SUSD4: variants seen among roughly 807,000 people sequenced by gnomAD.
The protein encoded by SUSD4 is sushi domain containing 4.
A neutral mutation model predicts 50.5 loss-of-function variants in SUSD4; 41 were observed. The ratio of observed to expected loss-of-function variants is 0.81; its 90% confidence interval spans 0.63 to 1.05. The LOEUF is 1.05. SUSD4 is among the 50% of genes least tolerant of loss of function. SUSD4 has a pLI of 0.00. For synonymous variants in SUSD4, 257 were observed against 257.3 expected (o/e 1.00, Z 0.01); for missense variants, 580 against 634.7 (o/e 0.91, Z 0.93).
At chr1:223,292,042 C>T (rs1002673076) in intron 3 of SUSD4, among the ~76,000 whole-genome samples, 1 of 152,116 alleles carries the variant, frequency 6.6e-6, no homozygotes, top group African/African-American at 2.4e-5. Context: ...TGATTTAATC[C>T]TCTGAGTAAT....
At chr1:223,226,839 CTCT>C (rs993634490) in intron 7 of SUSD4, among the ~76,000 whole-genome samples, 3 of 152,218 alleles carry the variant, frequency 2.0e-5, no homozygotes, top group Non-Finnish European at 2.9e-5. Context: ...CTGTCCTCAC[CTCT>C]TCTTCTCAAT....
Position 223,292,442 on chromosome 1 carries a change from C to T in SUSD4, c.358G>A (p.Glu120Lys), listed in dbSNP as rs769624784. Residue 120 changes from glutamate (E) to lysine (K), a missense_variant, in exon 3 of 9, where the codon GAA becomes AAA. Coordinates refer to ENST00000366878, the MANE Select transcript of SUSD4 (RefSeq NM_017982.4). ...IPSDNSICVQ[E>K]DCRIPQIEDA... ...CGTGGAGAAGTAAGCACTTTACCTT[C>T]TTGCACACAGATGGAATTATCACTT... The T allele has an allele frequency of 3.1e-6, 5 of 1,614,168 alleles. No homozygotes were observed. The South Asian group carries it at 4.4e-5, about 14-fold the overall frequency.
At chr1:223,320,200 G>C (rs1328289827) in intron 2 of SUSD4, among the ~76,000 whole-genome samples, 2 of 152,160 alleles carry the variant, frequency 1.3e-5, no homozygotes, top group Non-Finnish European at 2.9e-5. Flanking sequence ...GGTGAATGTA[G>C]AAAAAGCAAC....
chr1:223,260,461 C>T (rs570931296), intron 5 of SUSD4, among the ~76,000 whole-genome samples: 27 of 152,208 alleles, frequency 1.8e-4, no homozygotes, highest in African/African-American at 5.3e-4. Flanking sequence ...TGTGTGTGCA[C>T]GCACATGAAA....
chr1:223,270,800 C>G (rs1275620444), intron 3 of SUSD4, among the ~76,000 whole-genome samples: 1 of 152,106 alleles, frequency 6.6e-6, no homozygotes, highest in Non-Finnish European at 1.5e-5. Flanking sequence ...AACTCCTGAC[C>G]TCATGATCCC....
intron 2 of SUSD4, among the ~76,000 whole-genome samples, chr1:223,308,984 G>A (rs1484022218): frequency 6.6e-6 from 1 of 152,148 alleles, no homozygotes; most frequent in Non-Finnish European, 1.5e-5. Flanking sequence ...TAAGGATGAC[G>A]ATATGAACTC....
intron 2 of SUSD4, among the ~76,000 whole-genome samples, chr1:223,307,174 A>G (rs796888117): frequency 1.3e-5 from 2 of 152,268 alleles, no homozygotes; most frequent in African/African-American, 2.4e-5. Flanking sequence ...CTCTTCTTGA[A>G]AAAACCTCCC....
intron 5 of SUSD4, among the ~76,000 whole-genome samples, chr1:223,261,216 TAACTA>T (rs1225502938): frequency 6.6e-5 from 10 of 152,228 alleles, no homozygotes; most frequent in Non-Finnish European, 1.3e-4. Flanking sequence ...TCAGGGATGA[TAACTA>T]AACTAGAAAG....
Position 223,268,649 on chromosome 1 carries a change from C to A in SUSD4, c.388G>T (p.Ala130Ser). Residue 130 changes from alanine to serine, a missense_variant, in exon 4 of 9, where the codon GCT becomes TCT. Physicochemically the swap from Ala to Ser is moderately conservative, Grantham distance 99. Transcript: ENST00000366878. Reference sequence around the variant, plus strand: ...CTATATGTCTTGTTATGAATCTCAGCATCTTCGATTTGAGGGATACGGCAA... The same window carrying A: ...CTATATGTCTTGTTATGAATCTCAGAATCTTCGATTTGAGGGATACGGCAA... ...EDCRIPQIED[A>S]EIHNKTYRHG... 6.2e-7 allele frequency: 1 copy of A among 1,612,736 alleles called. No individual in the cohort carries two copies. The highest frequency in any genetic ancestry group is 1.3e-5 in the African/African-American group (1 of 75,014).
Position 223,334,037 on chromosome 1 carries a change from G to A in SUSD4, c.148+29241C>T, listed in dbSNP as rs374060689. Among the ~76,000 whole-genome samples the A allele has an allele frequency of 2.0e-5, 3 of 152,106 alleles. No individual in the cohort carries two copies. In the South Asian group the frequency reaches 6.2e-4, roughly 32 times the overall value. ...GATAAGACCCACCCATGAACACAGAGCTTCTCTGCTTGTCTCAGTCTTAAC... is the reference window on the plus strand; with the variant it reads ...GATAAGACCCACCCATGAACACAGAACTTCTCTGCTTGTCTCAGTCTTAAC... On this transcript the variant is annotated intron_variant, in intron 2 of 8. Coordinates refer to ENST00000366878, the MANE Select transcript of SUSD4 (RefSeq NM_017982.4).
intron 2 of SUSD4, among the ~76,000 whole-genome samples, chr1:223,295,532 G>A (rs965506356): frequency 2.0e-5 from 3 of 152,158 alleles, no homozygotes; most frequent in Non-Finnish European, 4.4e-5. Flanking sequence ...CCTTGAGTGG[G>A]ATCCTTGTGA....
chr1:223,360,703 A>C (rs1486714521), intron 2 of SUSD4, among the ~76,000 whole-genome samples: 2 of 151,888 alleles, frequency 1.3e-5, no homozygotes, highest in Non-Finnish European at 2.9e-5. Context: ...CCTAGCTGAG[A>C]CGATTATATC....
chr1:223,364,726 C>T (rs1022580015), upstream of SUSD4, among the ~76,000 whole-genome samples: 1 of 151,776 alleles, frequency 6.6e-6, no homozygotes, highest in African/African-American at 2.4e-5. This position sits in a 1 kb window ranked among gnomAD's most constrained non-coding sequence, Gnocchi z 4.5. Flanking sequence ...GCGGCGGTGG[C>T]TGCAGACCCG....
rs550514362 is a variant in SUSD4 at position 223,297,871 on chromosome 1, G to GGGAT, written c.149-5224_149-5221dup. Among the ~76,000 whole-genome samples the GGGAT allele has an allele frequency of 1.8e-4, 28 of 152,290 alleles. No homozygotes were observed. In the South Asian group the frequency reaches 5.2e-3, roughly 28 times the overall value. On this transcript the variant is annotated intron_variant, in intron 2 of 8. Coordinates refer to ENST00000366878, the MANE Select transcript of SUSD4 (RefSeq NM_017982.4). ...GTGTTGCTAATGAAGGATAAAGCAA[G>GGGAT]GGATGGATGGATGGATGGATAGATG...
At chr1:223,336,015 A>G (rs1175427096) in intron 2 of SUSD4, among the ~76,000 whole-genome samples, 1 of 152,242 alleles carries the variant, frequency 6.6e-6, no homozygotes, top group Non-Finnish European at 1.5e-5. Context: ...TGTTTAAAAA[A>G]AAAAAAGAAA....
chr1:223,240,219 G>T lies in SUSD4; in HGVS notation c.725-10831C>A, dbSNP rs998847286. Among the ~76,000 whole-genome samples, 393 of 151,800 alleles carry T rather than the reference G, an allele frequency of 2.6e-3. 1 individual carries two copies. Among genetic ancestry groups the T allele is most frequent in the African/African-American group, 9.1e-3 (375 of 41,412 alleles). On this transcript the variant is annotated intron_variant, in intron 5 of 8. Coordinates refer to ENST00000366878, the MANE Select transcript of SUSD4 (RefSeq NM_017982.4). ...CTTCTTTCAGAATTTTTTTATTTTTGATTTTTCTGTAATTTGAAAATGATA... is the reference window on the plus strand; with the variant it reads ...CTTCTTTCAGAATTTTTTTATTTTTTATTTTTCTGTAATTTGAAAATGATA...
At position 223,318,043 on chromosome 1, in the gene SUSD4, T is replaced by A. The variant is rs1438117427; in HGVS notation, c.149-25392A>T. 4.0e-5 allele frequency among the ~76,000 whole-genome samples: 3 copies of A among 74,236 alleles called. No homozygotes were observed. In the Admixed American group the frequency reaches 4.6e-4, roughly 11 times the overall value. 48.7% of individuals were successfully genotyped at this position (74,236 alleles called of 152,430 possible). On this transcript the variant is annotated intron_variant, in intron 2 of 8. Transcript: ENST00000366878. ...CCACCACAGTCCCCAGAGTGTGATA[T>A]TCCCCTTCCTGTGTCCATGTGATCT...
intron 5 of SUSD4, chr1:223,235,123 T>C: frequency 1.3e-6 from 2 of 1,582,164 alleles, no homozygotes; most frequent in Non-Finnish European, 1.7e-6. Context: ...AGTGTAAATA[T>C]GAAAACATAA....
At chr1:223,365,102 G>C (rs117941810), upstream of SUSD4, among the ~76,000 whole-genome samples, 1,011 of 152,216 alleles carry the variant, frequency 6.6e-3, 28 homozygotes, top group East Asian at 0.084. Flanking sequence ...TGGGTACCTG[G>C]AGGAGGGGAG....
Sources: allele counts gnomAD v4.1 joint callset (sites outside exome capture counted in the v4.1 genomes callset), GRCh38; gene constraint gnomAD v4.1.1; non-coding constraint Gnocchi (gnomAD v3.1); transcripts MANE v1.5; gene names NCBI Gene and HGNC (gene_info 2026-07-23, HGNC 2026-07-21).